The following OPHN1 variants were observed in gnomAD, a reference collection of about 807,000 sequenced individuals.
The protein encoded by OPHN1 is oligophrenin-1.
Under a neutral mutation model 60.7 loss-of-function variants are expected in OPHN1, and 11 were observed. The observed-to-expected ratio is 0.18, with a 90% CI of 0.11 to 0.30. The LOEUF is 0.30. OPHN1 is among the 10% of genes least tolerant of loss of function. OPHN1 has a pLI of 1.00. For synonymous variants in OPHN1, 226 were observed against 222.6 expected (o/e 1.02, Z -0.14); for missense variants, 449 against 611.0 (o/e 0.73, Z 2.80).
intron 15 of OPHN1, among the ~76,000 whole-genome samples, chrX:68,183,311 G>A (rs1208616887): frequency 1.8e-5 from 2 of 111,779 alleles, no homozygotes; most frequent in Non-Finnish European, 3.8e-5. Flanking sequence ...ACAATACTAT[G>A]GAAGGTCATA....
In OPHN1 at chrX:68,322,546, G is replaced by T. The variant is rs185314181; in HGVS notation, c.155-23450C>A. 2.5e-3 allele frequency among the ~76,000 whole-genome samples: 282 copies of T among 111,459 alleles called. 2 individuals are homozygous for T. The highest frequency in any genetic ancestry group is 8.7e-3 in the African/African-American group (268 of 30,695). Reference sequence around the variant, plus strand: ...TCATGCTTGTAATCCCAGCATTTTGGGGGGTTGAGGCAAGACGATCACTTG... The same window carrying T: ...TCATGCTTGTAATCCCAGCATTTTGTGGGGTTGAGGCAAGACGATCACTTG... On this transcript the variant is annotated intron_variant, in intron 2 of 24. Coordinates refer to ENST00000355520, the MANE Select transcript of OPHN1 (RefSeq NM_002547.3).
intron 15 of OPHN1, among the ~76,000 whole-genome samples, chrX:68,163,428 C>CTGTGTG (rs10549662): frequency 7.0e-5 from 6 of 85,281 alleles, no homozygotes; most frequent in African/African-American, 2.4e-4. Context: ...AAAATCCATT[C>CTGTGTG]TGTGTGTGTG....
chrX:68,084,806 G>A (rs1325773152), intron 19 of OPHN1, among the ~76,000 whole-genome samples: 1 of 111,897 alleles, frequency 8.9e-6, no homozygotes, highest in African/African-American at 3.3e-5. Flanking sequence ...GAGCAGTTTT[G>A]CCAATGTGGC....
intron 2 of OPHN1, among the ~76,000 whole-genome samples, chrX:68,332,176 T>A (rs1396594198): frequency 1.8e-5 from 2 of 112,120 alleles, no homozygotes; most frequent in Non-Finnish European, 3.8e-5. Flanking sequence ...TTAATAATGA[T>A]GATGATGAAA....
intron 2 of OPHN1, among the ~76,000 whole-genome samples, chrX:68,430,012 G>A (rs1201179469): frequency 2.8e-5 from 3 of 106,141 alleles, no homozygotes; most frequent in East Asian, 3.0e-4. Context: ...TCTAGCCTGG[G>A]TGACAAAGCA....
chrX:68,199,645 A>G (rs1459137759), intron 11 of OPHN1, among the ~76,000 whole-genome samples: 2 of 112,199 alleles, frequency 1.8e-5, no homozygotes, highest in African/African-American at 6.5e-5. Context: ...AGAAAAGCAG[A>G]TGTCATGTCA....
intron 2 of OPHN1, among the ~76,000 whole-genome samples, chrX:68,359,773 G>A (rs377657167): frequency 9.5e-6 from 1 of 104,752 alleles, no homozygotes; most frequent in African/African-American, 3.5e-5. Flanking sequence ...GGAGAATGGC[G>A]TGAACCCGGG....
rs186138944 is a variant in OPHN1 at position 68,262,215 on chromosome X, T to C, written c.384+12523A>G. 1.2e-3 allele frequency among the ~76,000 whole-genome samples: 138 copies of C among 111,804 alleles called. 1 individual carries two copies. Among genetic ancestry groups the C allele is most frequent in the African/African-American group, 4.4e-3 (135 of 30,828 alleles). The stretch of plus-strand genomic sequence containing the variant: ...TAAACTAAAATAAAACATAGCAATA[T>C]AAGCATTTTAAAATATAAAAATAAC... On this transcript the variant is annotated intron_variant, in intron 5 of 24. Coordinates refer to ENST00000355520, the MANE Select transcript of OPHN1 (RefSeq NM_002547.3).
At position 68,063,996 on chromosome X, in the gene OPHN1, C is replaced by A. The variant is rs1242244215; in HGVS notation, c.2016G>T (p.Lys672Asn). The A allele has an allele frequency of 6.6e-6, 8 of 1,207,667 alleles. No individual in the cohort carries two copies. The Admixed American group carries it at 1.5e-4, about 23-fold the overall frequency. The change falls in exon 21 of 25, where the codon AAG (lysine) becomes AAT (asparagine). Residue 672 changes from lysine (K) to asparagine (N), a missense_variant. Around this residue, in one of 4 missense-constraint regions of OPHN1, gnomAD observed 184 missense variants for 160.5 expected, o/e 1.15. Coordinates refer to ENST00000355520, the MANE Select transcript of OPHN1 (RefSeq NM_002547.3). ...LEPCPEVDVG[K>N]LVSRLQDGGT... ...CTCCATCCTGCAGCCTAGACACCAA[C>A]TTCCCCACGTCCACCTCTGGGCAGG...
At chrX:68,210,382 G>A in intron 8 of OPHN1, 100 bp from the exon 9 acceptor site, 1 of 860,767 alleles carries the variant, frequency 1.2e-6, no homozygotes, top group South Asian at 2.3e-5. Context: ...CCTGCTTACA[G>A]CATGTGCAAC....
intron 21 of OPHN1, among the ~76,000 whole-genome samples, chrX:68,057,481 C>G (rs2076877721): frequency 9.0e-6 from 1 of 111,369 alleles, no homozygotes; most frequent in African/African-American, 3.3e-5. Context: ...ACTGTTAGAG[C>G]TGGAAAACAT....
intron 2 of OPHN1, among the ~76,000 whole-genome samples, chrX:68,402,355 AAGG>A (rs1184640953): frequency 1.0e-5 from 1 of 100,125 alleles, no homozygotes; most frequent in Non-Finnish European, 2.0e-5. Context: ...GAAGGAGGAG[AAGG>A]AGAAGGAGAA....
At chrX:68,268,579 T>C (rs1218676017) in intron 5 of OPHN1, among the ~76,000 whole-genome samples, 1 of 111,654 alleles carries the variant, frequency 9.0e-6, no homozygotes, top group Non-Finnish European at 1.9e-5. Context: ...TAGGCATTGA[T>C]GGGACGTATC....
intron 16 of OPHN1, among the ~76,000 whole-genome samples, chrX:68,117,412 T>C (rs2077131820): frequency 8.9e-6 from 1 of 112,186 alleles, no homozygotes; most frequent in Admixed American, 9.5e-5. Flanking sequence ...TTTGTATGAT[T>C]ATTTGTCTTC....
chrX:68,064,395 G>T (rs1010424723), intron 20 of OPHN1, among the ~76,000 whole-genome samples: 1 of 110,871 alleles, frequency 9.0e-6, no homozygotes, highest in East Asian at 2.8e-4. Flanking sequence ...TTCAAGATCC[G>T]CGTATGATTT....
In OPHN1 at chrX:68,048,894, TG is replaced by T. The variant is rs777670646; in HGVS notation, c.2376-438del. Among the ~76,000 whole-genome samples, 4 of 112,063 alleles carry T rather than the reference TG, an allele frequency of 3.6e-5. No homozygotes were observed. In the East Asian group the frequency reaches 1.1e-3, roughly 32 times the overall value. On this transcript the variant is annotated intron_variant, in intron 23 of 24. Coordinates refer to ENST00000355520, the MANE Select transcript of OPHN1 (RefSeq NM_002547.3). ...GGATTAGTTCTAAATTACCCATGTC[TG>T]GGGACAGCTTGGGGAGGAGAAAATC...
intron 15 of OPHN1, among the ~76,000 whole-genome samples, chrX:68,171,248 C>T (rs1165397600): frequency 9.2e-6 from 1 of 109,267 alleles, no homozygotes; most frequent in African/African-American, 3.3e-5. Context: ...AATATATATA[C>T]CTACTATGTA....
chrX:68,246,831 G>A (rs990538236), intron 5 of OPHN1, among the ~76,000 whole-genome samples: 5 of 111,327 alleles, frequency 4.5e-5, no homozygotes, highest in Non-Finnish European at 7.5e-5. Flanking sequence ...CAAAGTTGCT[G>A]TATAATAAAC....
chrX:68,270,365 C>T (rs1357189437), intron 5 of OPHN1, among the ~76,000 whole-genome samples: 1 of 110,062 alleles, frequency 9.1e-6, no homozygotes, highest in Non-Finnish European at 1.9e-5. Context: ...ATAGACTGGA[C>T]TAAGAAAATG....
Sources: gnomAD v4.1 joint callset for allele counts (sites outside exome capture counted in the v4.1 genomes callset) on GRCh38, gnomAD v4.1.1 for gene constraint, gnomAD v4.1.1 regional missense constraint, MANE v1.5 for transcripts, NCBI Gene and HGNC (gene_info 2026-07-23, HGNC 2026-07-21) for gene names.